PDE4D: variants seen among roughly 807,000 people sequenced by gnomAD.
The protein encoded by PDE4D is 3',5'-cyclic-AMP phosphodiesterase 4D.
Under a neutral mutation model 87.4 loss-of-function variants are expected in PDE4D, and 24 were observed. The observed-to-expected ratio is 0.27, with a 90% CI of 0.20 to 0.39. The LOEUF is 0.39. PDE4D is among the 10% of genes least tolerant of loss of function. The pLI, the probability that PDE4D is intolerant of heterozygous loss-of-function variation, is 1.00. For synonymous variants in PDE4D, 384 were observed against 383.2 expected, an observed-to-expected ratio of 1.00 and a Z score of -0.02; for missense variants, 714 against 1,041.0, an observed-to-expected ratio of 0.69 and a Z score of 4.32.
intron 1 of PDE4D, among the ~76,000 whole-genome samples, chr5:59,285,310 C>A (rs1301800455): frequency 6.6e-6 from 1 of 151,786 alleles, no homozygotes; most frequent in Non-Finnish European, 1.5e-5. Context: ...TGCTTAACAG[C>A]AGAATAAATC....
At chr5:59,817,630 T>G (rs1194188042) in intron 1 of PDE4D, among the ~76,000 whole-genome samples, 1 of 152,088 alleles carries the variant, frequency 6.6e-6, no homozygotes, top group Non-Finnish European at 1.5e-5. Flanking sequence ...TAAATAAGTT[T>G]AAATGTGGTC....
chr5:59,494,717 T>C (rs1331722870), intron 1 of PDE4D, among the ~76,000 whole-genome samples: 1 of 152,136 alleles, frequency 6.6e-6, no homozygotes, highest in East Asian at 1.9e-4. Flanking sequence ...CCAAGAAAAT[T>C]CTAAATGTCT....
intron 6 of PDE4D, among the ~76,000 whole-genome samples, chr5:59,013,280 G>A (rs1417006965): frequency 1.3e-5 from 2 of 151,824 alleles, no homozygotes; most frequent in Admixed American, 1.3e-4. Flanking sequence ...GCTAGCAGAA[G>A]GCAAGAAATA....
intron 1 of PDE4D, among the ~76,000 whole-genome samples, chr5:59,389,180 C>T (rs1361558528): frequency 6.6e-6 from 1 of 151,836 alleles, no homozygotes; most frequent in Non-Finnish European, 1.5e-5. Context: ...AGTGATAGAC[C>T]CCTTAAAGAG....
At chr5:60,265,220 T>A (rs1046121963) in intron 1 of PDE4D, among the ~76,000 whole-genome samples, 1 of 152,048 alleles carries the variant, frequency 6.6e-6, no homozygotes, top group Admixed American at 6.6e-5. Context: ...GGGAGGACAA[T>A]GCACCCCACA....
At chr5:59,553,313 T>C (rs1238819904) in intron 1 of PDE4D, among the ~76,000 whole-genome samples, 2 of 152,106 alleles carry the variant, frequency 1.3e-5, no homozygotes, top group African/African-American at 4.8e-5. Flanking sequence ...GGAAAGGCAT[T>C]TTAGGAGGTG....
intron 3 of PDE4D, among the ~76,000 whole-genome samples, chr5:59,972,491 T>C (rs1362171731): frequency 1.3e-5 from 2 of 152,188 alleles, no homozygotes; most frequent in African/African-American, 4.8e-5. Context: ...CAAACCTAGG[T>C]CGCTCACAAA....
intron 3 of PDE4D, among the ~76,000 whole-genome samples, chr5:59,985,161 CAG>C (rs1762329006): frequency 1.4e-5 from 1 of 69,110 alleles, no homozygotes; most frequent in African/African-American, 3.4e-5. Flanking sequence ...TATTTTGAGA[CAG>C]AGTCTCACTC....
At chr5:59,585,427 T>C (rs1824957738) in intron 1 of PDE4D, among the ~76,000 whole-genome samples, 1 of 152,206 alleles carries the variant, frequency 6.6e-6, no homozygotes, top group Admixed American at 6.5e-5. Flanking sequence ...ACCTGAAAGA[T>C]ATACTTTCAA....
intron 1 of PDE4D, among the ~76,000 whole-genome samples, chr5:59,834,320 T>C (rs1461958322): frequency 6.6e-6 from 1 of 151,982 alleles, no homozygotes; most frequent in Non-Finnish European, 1.5e-5. Flanking sequence ...TGAGGCACTG[T>C]AGGAAGGGAA....
At chr5:59,529,431 AAGCCAATGACACAGAGCC>A (rs1369557221) in intron 1 of PDE4D, among the ~76,000 whole-genome samples, 3 of 152,198 alleles carry the variant, frequency 2.0e-5, no homozygotes, top group Non-Finnish European at 4.4e-5. Flanking sequence ...AAGCAAGACC[AAGCCAATGACACAGAGCC>A]AGCCAATGAC....
At chr5:59,737,480 A>G (rs956825162) in intron 1 of PDE4D, among the ~76,000 whole-genome samples, 5 of 152,134 alleles carry the variant, frequency 3.3e-5, no homozygotes, top group African/African-American at 1.2e-4. Context: ...ATCATTTTCA[A>G]TATTTGTATA....
At position 59,691,609 on chromosome 5, in the gene PDE4D, T is replaced by C. The variant is rs576476760; in HGVS notation, c.455+201559A>G. Among the ~76,000 whole-genome samples, 13 of 151,446 alleles carry C rather than the reference T, an allele frequency of 8.6e-5. No individual in the cohort carries two copies. In the East Asian group the frequency reaches 1.8e-3, roughly 20 times the overall value. ...GGGGGAGGGATAGCATTAGTAGATA[T>C]ACGTAATGTAAATGACAAGTTAACG... is the stretch of plus-strand genomic sequence containing the variant. On this transcript the variant is annotated intron_variant, in intron 1 of 14. Transcript: ENST00000340635.
intron 1 of PDE4D, among the ~76,000 whole-genome samples, chr5:59,381,267 T>A (rs998168985): frequency 6.6e-6 from 1 of 152,144 alleles, no homozygotes; most frequent in African/African-American, 2.4e-5. Context: ...CTTGATAATA[T>A]CAACTCCGTT....
chr5:59,728,283 A>C lies in PDE4D; in HGVS notation c.455+164885T>G, dbSNP rs56378519. Among the ~76,000 whole-genome samples the C allele has an allele frequency of 9.5e-3, 1,452 of 152,224 alleles. 25 individuals are homozygous for C. Among genetic ancestry groups the C allele is most frequent in the African/African-American group, 0.033 (1,386 of 41,560 alleles). On this transcript the variant is annotated intron_variant, in intron 1 of 14. Transcript: ENST00000340635. ...TAAAAGGGAACATAGTATAATACAA[A>C]AGAACATAAAAATAATACAACTTAT...
rs1046491101 is a variant in PDE4D, at chr5:58,999,727, G to T, written c.922-6262C>A. ...AATCCCATCCAGCCGTCTTCCCATCGAATACATGCCATTTGTAAGACTCCA... is the reference window on the plus strand; with the variant it reads ...AATCCCATCCAGCCGTCTTCCCATCTAATACATGCCATTTGTAAGACTCCA... On this transcript the variant is annotated intron_variant, in intron 6 of 14. Coordinates refer to ENST00000340635, the MANE Select transcript of PDE4D (RefSeq NM_001104631.2). 9.4e-6 allele frequency: 10 copies of T among 1,058,760 alleles called. No homozygotes were observed. The African/African-American group carries it at 1.7e-4, about 18-fold the overall frequency. The allele number at this position is 1,058,760 out of a possible 1,614,324, so 65.6% of individuals were successfully genotyped here. A position where few individuals can be genotyped will look rare whatever the true frequency, so the allele number is the denominator to read the frequency against.
intron 1 of PDE4D, among the ~76,000 whole-genome samples, chr5:59,316,245 G>A (rs1276768100): frequency 6.6e-6 from 1 of 152,106 alleles, no homozygotes; most frequent in East Asian, 1.9e-4. Context: ...ATTGGAATCG[G>A]TATAGACATA....
At chr5:60,144,244 G>A (rs1014676872) in intron 2 of PDE4D, among the ~76,000 whole-genome samples, 1 of 152,220 alleles carries the variant, frequency 6.6e-6, no homozygotes, top group African/African-American at 2.4e-5. Flanking sequence ...AATGCTGAAT[G>A]ATCTGCTCAT....
chr5:59,306,851 A>G (rs1343888601), intron 1 of PDE4D, among the ~76,000 whole-genome samples: 1 of 127,272 alleles, frequency 7.9e-6, no homozygotes, highest in African/African-American at 3.3e-5. Flanking sequence ...CAGAATTGGA[A>G]AAAACTACTT....
Sources: gnomAD v4.1 joint callset for allele counts (sites outside exome capture counted in the v4.1 genomes callset) on GRCh38, gnomAD v4.1.1 for gene constraint, MANE v1.5 for transcripts, NCBI Gene and HGNC (gene_info 2026-07-23, HGNC 2026-07-21) for gene names.